TENM2: variants seen among roughly 807,000 people sequenced by gnomAD.
TENM2 encodes teneurin-2.
Under a neutral mutation model 245.2 loss-of-function variants are expected in TENM2, and 52 were observed. That is an observed-to-expected ratio of 0.21 (90% CI 0.17 to 0.27). The LOEUF (loss-of-function observed/expected upper bound fraction) is 0.27. TENM2 is among the 10% of genes least tolerant of loss of function. TENM2 has a pLI of 1.00. For missense variants in TENM2, 3,046 were observed against 3,666.8 expected, an observed-to-expected ratio of 0.83 and a Z score of 4.37; for synonymous variants, 1,363 against 1,438.9, an observed-to-expected ratio of 0.95 and a Z score of 1.19.
At chr5:167,445,137 C>A (rs1765084413) in intron 2 of TENM2, among the ~76,000 whole-genome samples, 1 of 151,746 alleles carries the variant, frequency 6.6e-6, no homozygotes, top group Non-Finnish European at 1.5e-5. Context: ...GTAGTAGTAT[C>A]CAAAAGCATC....
intron 2 of TENM2, among the ~76,000 whole-genome samples, chr5:167,439,643 G>A (rs181436368): frequency 2.1e-4 from 32 of 152,188 alleles, no homozygotes; most frequent in Middle Eastern, 3.4e-3. Context: ...TAACATGCAC[G>A]AATAATACAA....
In TENM2 at chr5:168,247,565, G is replaced by A; in HGVS notation, c.6626G>A (p.Gly2209Glu). ...TACACCTATGACTACGATGGGGACG[G>A]GCAGCTCCAGAGCGTGGCCGTCAAT... is the stretch of plus-strand genomic sequence containing the variant. Residue 2209 changes from glycine to glutamate, a missense_variant, in exon 27 of 29, where the codon GGG becomes GAG. By Grantham distance (98) the Gly-to-Glu change is moderately conservative. Transcript: ENST00000518659. This position sits in a 1 kb window ranked among gnomAD's most constrained non-coding sequence, Gnocchi z 7.8. 1 of 1,612,854 alleles carries A rather than the reference G, an allele frequency of 6.2e-7. No homozygotes were observed. Among genetic ancestry groups the A allele is most frequent in the East Asian group, 2.2e-5 (1 of 44,846 alleles).
intron 2 of TENM2, among the ~76,000 whole-genome samples, chr5:167,450,196 G>T (rs181440120): frequency 6.6e-6 from 1 of 151,914 alleles, no homozygotes; most frequent in Non-Finnish European, 1.5e-5. Flanking sequence ...CTCAAAAAAT[G>T]CATGCTCATT....
chr5:168,103,716 G>A (rs1004152713), intron 9 of TENM2, among the ~76,000 whole-genome samples: 3 of 152,180 alleles, frequency 2.0e-5, no homozygotes, highest in Non-Finnish European at 2.9e-5. Context: ...ATGTGTGTGT[G>A]TGAGTGTGTG....
chr5:168,060,070 A>G lies in TENM2; in HGVS notation c.1310-1990A>G, dbSNP rs551397624. 4.7e-4 allele frequency among the ~76,000 whole-genome samples: 72 copies of G among 152,172 alleles called. 1 individual carries two copies. In the South Asian group the frequency reaches 0.014, roughly 30 times the overall value. On this transcript the variant is annotated intron_variant, in intron 6 of 28. Coordinates refer to ENST00000518659, the Ensembl canonical transcript of TENM2. Reference sequence around the variant, plus strand: ...CTCCCCCTGCAGGTAAGTAATCAGTATCCATTAGAAAAGTTAGCCAACATT... The same window carrying G: ...CTCCCCCTGCAGGTAAGTAATCAGTGTCCATTAGAAAAGTTAGCCAACATT...
intron 1 of TENM2, among the ~76,000 whole-genome samples, chr5:167,355,691 G>A (rs566713216): frequency 6.6e-6 from 1 of 152,188 alleles, no homozygotes; most frequent in African/African-American, 2.4e-5. Context: ...CTCACAAAGT[G>A]CCAGATAGTG....
chr5:167,383,694 T>C (rs991830537), intron 2 of TENM2, among the ~76,000 whole-genome samples: 4 of 136,258 alleles, frequency 2.9e-5, no homozygotes, highest in Non-Finnish European at 6.1e-5. Flanking sequence ...GTCTCTAAGA[T>C]ATGATTTGAG....
intron 2 of TENM2, among the ~76,000 whole-genome samples, chr5:167,724,991 C>A (rs777722341): frequency 2.6e-5 from 4 of 152,134 alleles, no homozygotes; most frequent in Admixed American, 6.5e-5. Flanking sequence ...AATGTCCTTT[C>A]TTTTCCAAAT....
intron 2 of TENM2, among the ~76,000 whole-genome samples, chr5:167,867,116 A>G (rs1216127756): frequency 3.3e-5 from 5 of 152,192 alleles, no homozygotes; most frequent in Non-Finnish European, 4.4e-5. Context: ...AAGGTATTTG[A>G]GGATCCATTG....
intron 2 of TENM2, among the ~76,000 whole-genome samples, chr5:167,847,862 A>G (rs1226585410): frequency 1.3e-5 from 2 of 151,980 alleles, no homozygotes; most frequent in Admixed American, 6.5e-5. Flanking sequence ...CTTTTTTTAT[A>G]TTTGCTTCCG....
chr5:167,367,888 CT>C (rs1418740353), intron 1 of TENM2, among the ~76,000 whole-genome samples: 4 of 152,076 alleles, frequency 2.6e-5, no homozygotes. Context: ...TGTCAAATCA[CT>C]TCAATTTCTT....
intron 23 of TENM2, among the ~76,000 whole-genome samples, chr5:168,222,398 C>G (rs1454402162): frequency 6.6e-6 from 1 of 152,208 alleles, no homozygotes; most frequent in Non-Finnish European, 1.5e-5. Context: ...ATGTTCAACT[C>G]CTTCTCCCAA....
At chr5:167,901,891 G>A (rs1258524012) in intron 3 of TENM2, among the ~76,000 whole-genome samples, 1 of 152,102 alleles carries the variant, frequency 6.6e-6, no homozygotes, top group African/African-American at 2.4e-5. Context: ...AATTGTAGAG[G>A]TAGAAATATA....
intron 3 of TENM2, among the ~76,000 whole-genome samples, chr5:167,920,217 C>T (rs764283644): frequency 2.6e-5 from 4 of 151,356 alleles, no homozygotes; most frequent in Admixed American, 6.6e-5. Flanking sequence ...ATGGGCCAGG[C>T]GCGGTGGCTC....
intron 2 of TENM2, among the ~76,000 whole-genome samples, chr5:167,584,882 T>G (rs757231131): frequency 1.3e-5 from 2 of 151,908 alleles, no homozygotes; most frequent in Non-Finnish European, 2.9e-5. Context: ...TTTAGTAGAT[T>G]TGGGGCTACA....
rs60856762 is a variant in TENM2 at position 167,411,573 on chromosome 5, A to AGTGTGTGTGTGT, written c.502+36125_502+36136dup. Among the ~76,000 whole-genome samples, 297 of 145,136 alleles carry AGTGTGTGTGTGT rather than the reference A, an allele frequency of 2.0e-3. 2 individuals carry two copies. Among genetic ancestry groups the AGTGTGTGTGTGT allele is most frequent in the Middle Eastern group, 0.011 (3 of 284 alleles). On this transcript the variant is annotated intron_variant, in intron 2 of 28. Transcript: ENST00000518659. The stretch of plus-strand genomic sequence containing the variant: ...GTGTGCATGTGTATATGTAGGTGAG[A>AGTGTGTGTGTGT]GTGTGTGTGTGTGTGTGTGTGTGTG...
At position 167,499,555 on chromosome 5, in the gene TENM2, C is replaced by T. The variant is rs116298727; in HGVS notation, c.502+124082C>T. Among the ~76,000 whole-genome samples the T allele has an allele frequency of 3.7e-3, 557 of 152,252 alleles. 5 individuals carry two copies. Among genetic ancestry groups the T allele is most frequent in the African/African-American group, 0.013 (533 of 41,558 alleles). On this transcript the variant is annotated intron_variant, in intron 2 of 28. Transcript: ENST00000518659. The stretch of plus-strand genomic sequence containing the variant: ...GAGTTTTGTAGCTGGATGATGGGTA[C>T]ATTTGAGTTCATTTTCTGTCCTCAC...
intron 2 of TENM2, among the ~76,000 whole-genome samples, chr5:167,779,204 G>A (rs575339945): frequency 6.6e-4 from 101 of 152,308 alleles, no homozygotes; most frequent in African/African-American, 2.1e-3. Context: ...GCTGCATGTT[G>A]TAAGTAGGGA....
intron 3 of TENM2, among the ~76,000 whole-genome samples, chr5:167,902,537 C>T (rs1169124589): frequency 6.6e-6 from 1 of 152,116 alleles, no homozygotes; most frequent in African/African-American, 2.4e-5. Context: ...CTGGGGCTGC[C>T]CCAGCCTAAG....
Sources: gnomAD v4.1 joint callset for allele counts (sites outside exome capture counted in the v4.1 genomes callset) on GRCh38, gnomAD v4.1.1 for gene constraint, Gnocchi (gnomAD v3.1) non-coding constraint, MANE v1.5 for transcripts, NCBI Gene and HGNC (gene_info 2026-07-23, HGNC 2026-07-21) for gene names.